Variants in CSMD1 observed in about 807,000 individuals in gnomAD.
The protein encoded by CSMD1 is CUB and Sushi multiple domains 1, also known as CUB and sushi domain-containing protein 1.
CSMD1 carries 213 observed loss-of-function variants against 417.5 expected under a neutral mutation model. The ratio of observed to expected loss-of-function variants is 0.51; its 90% confidence interval spans 0.46 to 0.57. The LOEUF (loss-of-function observed/expected upper bound fraction) is 0.57, where lower values mean the gene tolerates loss of function less well. Among genes scored for constraint, CSMD1 ranks in the 20% least tolerant of loss-of-function variants. The pLI, the probability that CSMD1 is intolerant of heterozygous loss-of-function variation, is 0.00. For missense variants in CSMD1, 6,923 were observed against 4,529.7 expected, an observed-to-expected ratio of 1.53 and a Z score of -15.17; for synonymous variants, 2,862 against 1,736.8, an observed-to-expected ratio of 1.65 and a Z score of -16.11.
At position 3,447,750 on chromosome 8, in the gene CSMD1, G is replaced by C. The variant is rs573584940; in HGVS notation, c.1561+20962C>G. On this transcript the variant is annotated intron_variant, in intron 12 of 69. Coordinates refer to ENST00000635120, the MANE Select transcript of CSMD1 (RefSeq NM_033225.6). ...ATGGACAGGTCACTTGGAGTGGCCAGTCAGGTTCTCCGTGTTCCTGGATGT... is the reference window on the plus strand; with the variant it reads ...ATGGACAGGTCACTTGGAGTGGCCACTCAGGTTCTCCGTGTTCCTGGATGT... Among the ~76,000 whole-genome samples, 38 of 152,326 alleles carry C rather than the reference G, an allele frequency of 2.5e-4. 1 individual carries two copies. The highest frequency in any genetic ancestry group is 6.8e-3 in the Middle Eastern group (2 of 294).
At chr8:4,640,375 A>G (rs1232350504) in intron 1 of CSMD1, among the ~76,000 whole-genome samples, 1 of 152,224 alleles carries the variant, frequency 6.6e-6, no homozygotes, top group Non-Finnish European at 1.5e-5. Context: ...TTAATACTGC[A>G]TCTTATTATA....
rs538137220 is a variant in CSMD1, at chr8:3,194,604, C to T, written c.5195-4489G>A. On this transcript the variant is annotated intron_variant, in intron 33 of 69. Coordinates refer to ENST00000635120, the MANE Select transcript of CSMD1 (RefSeq NM_033225.6). ...TCTCAAGAAGCTGAGACTACAGGCACATGCCACCACACTTGGCTAATAATT... is the reference window on the plus strand; with the variant it reads ...TCTCAAGAAGCTGAGACTACAGGCATATGCCACCACACTTGGCTAATAATT... Among the ~76,000 whole-genome samples the T allele has an allele frequency of 1.8e-3, 277 of 151,020 alleles. 2 individuals carry two copies. Among genetic ancestry groups the T allele is most frequent in the African/African-American group, 6.3e-3 (261 of 41,190 alleles).
At chr8:3,067,059 G>A (rs956611349) in intron 49 of CSMD1, among the ~76,000 whole-genome samples, 17 of 148,432 alleles carry the variant, frequency 1.1e-4, no homozygotes, top group African/African-American at 4.1e-4. Context: ...CGCTCAGCCT[G>A]TGCCAGGTGC....
intron 3 of CSMD1, among the ~76,000 whole-genome samples, chr8:4,373,576 A>C (rs1399979710): frequency 6.6e-6 from 1 of 152,224 alleles, no homozygotes; most frequent in East Asian, 1.9e-4. Context: ...ATTTAATTTC[A>C]TCTTATTTAA....
chr8:3,446,849 G>A (rs80343186), intron 12 of CSMD1, among the ~76,000 whole-genome samples: 1 of 152,126 alleles, frequency 6.6e-6, no homozygotes, highest in African/African-American at 2.4e-5. Flanking sequence ...ACTTCTAGCT[G>A]GTTTCATTAG....
intron 2 of CSMD1, among the ~76,000 whole-genome samples, chr8:4,464,289 T>G (rs560344465): frequency 2.6e-4 from 40 of 152,026 alleles, no homozygotes; most frequent in Non-Finnish European, 5.4e-4. Context: ...CATTATTATG[T>G]ATGCATGCAA....
intron 1 of CSMD1, among the ~76,000 whole-genome samples, chr8:4,907,676 A>C (rs78729695): frequency 0.026 from 3,949 of 151,940 alleles, 170 homozygotes; most frequent in African/African-American, 0.091. Context: ...CCTCCTAGTC[A>C]ACTACTAGAG....
intron 4 of CSMD1, among the ~76,000 whole-genome samples, chr8:4,022,096 CAT>C (rs57821821): frequency 3.2e-4 from 47 of 145,226 alleles, no homozygotes; most frequent in African/African-American, 1.2e-3. Flanking sequence ...CACACACACA[CAT>C]ATATATATGA....
At chr8:3,516,942 G>A (rs1012347574) in intron 10 of CSMD1, among the ~76,000 whole-genome samples, 2 of 152,192 alleles carry the variant, frequency 1.3e-5, no homozygotes, top group Non-Finnish European at 2.9e-5. Flanking sequence ...GTCAATCAAC[G>A]AGTGGATAAA....
rs547252842 is a variant in CSMD1, at chr8:3,325,813, G to A, written c.3632-17310C>T. Among the ~76,000 whole-genome samples the A allele has an allele frequency of 7.2e-5, 11 of 152,176 alleles. 1 individual carries two copies. The South Asian group carries it at 2.1e-3, about 29-fold the overall frequency. On this transcript the variant is annotated intron_variant, in intron 23 of 69. Transcript: ENST00000635120. ...CACTCCAGCCTGGGCGACAGAGTGAGGCTCCGTCTCAAACAAAAACAAAAA... is the reference window on the plus strand; with the variant it reads ...CACTCCAGCCTGGGCGACAGAGTGAAGCTCCGTCTCAAACAAAAACAAAAA...
chr8:3,473,553 A>G (rs73174859), intron 11 of CSMD1, among the ~76,000 whole-genome samples: 21,491 of 152,252 alleles, frequency 0.14, 1,545 homozygotes, highest in East Asian at 0.23. Flanking sequence ...AAAACAAAGA[A>G]GCAAGCAATA....
chr8:4,628,164 G>A (rs1295866778), intron 2 of CSMD1, among the ~76,000 whole-genome samples: 9 of 151,098 alleles, frequency 6.0e-5, no homozygotes, highest in African/African-American at 7.3e-5. Context: ...AATTTCAACT[G>A]AATGATTTTT....
chr8:3,629,879 G>A (rs2469308), intron 7 of CSMD1, among the ~76,000 whole-genome samples: 120,998 of 152,162 alleles, frequency 0.8, 48,141 homozygotes, highest in Middle Eastern at 0.89. Flanking sequence ...ACAGGAAATC[G>A]TGCCTTTTCA....
chr8:3,756,476 A>G (rs1233436408), intron 5 of CSMD1, among the ~76,000 whole-genome samples: 3 of 152,168 alleles, frequency 2.0e-5, no homozygotes. Context: ...CTACAAACAC[A>G]TAGATATACA....
intron 50 of CSMD1, among the ~76,000 whole-genome samples, chr8:3,039,667 T>A (rs1394346950): frequency 6.6e-6 from 1 of 152,162 alleles, no homozygotes; most frequent in Non-Finnish European, 1.5e-5. Context: ...CTCGTCTGCA[T>A]TTTACAACCT....
chr8:3,945,338 C>A (rs920933817), intron 5 of CSMD1, among the ~76,000 whole-genome samples: 4 of 152,048 alleles, frequency 2.6e-5, no homozygotes, highest in African/African-American at 9.7e-5. Flanking sequence ...TTACTATGGA[C>A]ATAATGATGT....
In CSMD1 at chr8:4,892,603, A is replaced by T. The variant is rs1023784407; in HGVS notation, c.85+101729T>A. 2.6e-5 allele frequency among the ~76,000 whole-genome samples: 4 copies of T among 152,242 alleles called. No homozygotes were observed. In the East Asian group the frequency reaches 7.7e-4, roughly 29 times the overall value. On this transcript the variant is annotated intron_variant, in intron 1 of 69. Transcript: ENST00000635120. ...TCATACAGAAATATATACAGAAAAA[A>T]GTAAAAGTAGTCTTTCCTTAGACGT...
intron 3 of CSMD1, among the ~76,000 whole-genome samples, chr8:4,147,857 G>C (rs781255160): frequency 1.3e-5 from 2 of 152,068 alleles, no homozygotes; most frequent in Non-Finnish European, 2.9e-5. Flanking sequence ...TCTGGAAATG[G>C]TAGCTGAGCT....
chr8:3,043,822 T>A (rs115845937), intron 50 of CSMD1: 3 of 152,456 alleles, frequency 2.0e-5, no homozygotes, highest in Admixed American at 2.0e-4. Flanking sequence ...ACAAGAGGTA[T>A]GGACAGGCAC....
Sources: gnomAD v4.1 joint callset for allele counts (sites outside exome capture counted in the v4.1 genomes callset) on GRCh38, gnomAD v4.1.1 for gene constraint, MANE v1.5 for transcripts, NCBI Gene and HGNC (gene_info 2026-07-23, HGNC 2026-07-21) for gene names.